Variants in STAC observed in about 807,000 individuals in gnomAD.
STAC encodes the protein SH3 and cysteine rich domain.
In STAC, 43 loss-of-function variants were observed where a neutral mutation model predicts 48.8. That is an observed-to-expected ratio of 0.88 (90% CI 0.69 to 1.14). STAC has a LOEUF of 1.14. STAC is among the 50% of genes most tolerant of loss of function. The pLI, the probability that STAC is intolerant of heterozygous loss-of-function variation, is 0.00. For synonymous variants in STAC, 193 were observed against 179.5 expected (o/e 1.07, Z -0.60); for missense variants, 497 against 504.0 (o/e 0.99, Z 0.13).
chr3:36,391,398 AGC>A (rs1699748819), intron 1 of STAC, among the ~76,000 whole-genome samples: 1 of 152,032 alleles, frequency 6.6e-6, no homozygotes, highest in Non-Finnish European at 1.5e-5. Flanking sequence ...TTCATCCACC[AGC>A]TGAAAACTCC....
intron 2 of STAC, among the ~76,000 whole-genome samples, chr3:36,458,883 G>A (rs1696924485): frequency 6.6e-6 from 1 of 152,172 alleles, no homozygotes; most frequent in South Asian, 2.1e-4. Flanking sequence ...TCACCCGGAA[G>A]TCTTGTTAGA....
chr3:36,411,443 C>A (rs1209554007), intron 1 of STAC, among the ~76,000 whole-genome samples: 1 of 152,188 alleles, frequency 6.6e-6, no homozygotes, highest in African/African-American at 2.4e-5. Context: ...CATTGAAGCT[C>A]AACTCCTTGA....
rs1698890191 is a variant in STAC, at chr3:36,524,731, G to A, written c.921-3965G>A. Among the ~76,000 whole-genome samples the A allele has an allele frequency of 2.0e-5, 3 of 152,244 alleles. No individual in the cohort carries two copies. In the South Asian group the frequency reaches 6.2e-4, roughly 32 times the overall value. ...AAAAGGATTCTAAATCAGAAGGCAG[G>A]CTCTGTGGGAAAGAGTGCTGAGATT... is the stretch of plus-strand genomic sequence containing the variant. On this transcript the variant is annotated intron_variant, in intron 8 of 10. Coordinates refer to ENST00000273183, the MANE Select transcript of STAC (RefSeq NM_003149.3).
At chr3:36,418,903 C>G (rs577336114) in intron 1 of STAC, among the ~76,000 whole-genome samples, 1 of 151,922 alleles carries the variant, frequency 6.6e-6, no homozygotes, top group East Asian at 1.9e-4. Context: ...CAAAATTAGC[C>G]AGACATGGTG....
intron 10 of STAC, among the ~76,000 whole-genome samples, chr3:36,543,414 G>A (rs570898199): frequency 1.3e-5 from 2 of 152,272 alleles, no homozygotes; most frequent in African/African-American, 2.4e-5. Flanking sequence ...CTTCTCATCC[G>A]TAAAAAGGTC....
At chr3:36,516,422 C>T (rs114942814) in intron 8 of STAC, among the ~76,000 whole-genome samples, 1,749 of 152,198 alleles carry the variant, frequency 0.011, 29 homozygotes, top group African/African-American at 0.04. Flanking sequence ...CATCATTAGT[C>T]TCCAAATCCC....
At chr3:36,465,807 C>A (rs1167127738) in intron 2 of STAC, among the ~76,000 whole-genome samples, 1 of 152,080 alleles carries the variant, frequency 6.6e-6, no homozygotes, top group Non-Finnish European at 1.5e-5. Context: ...AGGCCCATCT[C>A]TCTTTTACAA....
intron 8 of STAC, among the ~76,000 whole-genome samples, chr3:36,507,053 G>A (rs559392434): frequency 1.3e-5 from 2 of 152,096 alleles, no homozygotes; most frequent in Non-Finnish European, 2.9e-5. Context: ...ATGATATTGG[G>A]TGTGGGTTTG....
At position 36,443,481 on chromosome 3, in the gene STAC, G is replaced by A. The variant is rs1458655624; in HGVS notation, c.229G>A (p.Ala77Thr). Residue 77 changes from alanine (A) to threonine (T), a missense_variant, in exon 2 of 11, where the codon GCT (alanine) becomes ACT (threonine). Coordinates refer to ENST00000273183, the MANE Select transcript of STAC (RefSeq NM_003149.3). The surrounding 1 kb of genome is among the most constrained non-coding windows in gnomAD (Gnocchi z 4.2). Reference protein sequence around the residue: ...EDMKLQAHMVAEISPSSSPLP... With the variant: ...EDMKLQAHMVTEISPSSSPLP... Reference sequence around the variant, plus strand: ...CATGAAACTGCAAGCACACATGGTGGCTGAGATCAGCCCCAGCTCCAGCCC... The same window carrying A: ...CATGAAACTGCAAGCACACATGGTGACTGAGATCAGCCCCAGCTCCAGCCC... 34 of 1,614,096 alleles carry A rather than the reference G, an allele frequency of 2.1e-5. 1 individual carries two copies. The highest frequency in any genetic ancestry group is 2.9e-5 in the Non-Finnish European group (34 of 1,180,042).
intron 8 of STAC, among the ~76,000 whole-genome samples, chr3:36,511,328 G>C (rs1379366742): frequency 6.6e-6 from 1 of 152,166 alleles, no homozygotes; most frequent in African/African-American, 2.4e-5. Context: ...ACACATTGGT[G>C]CCTATAATCA....
intron 1 of STAC, among the ~76,000 whole-genome samples, chr3:36,419,047 CAAAAA>C (rs1193056059): frequency 4.4e-5 from 4 of 90,554 alleles, no homozygotes; most frequent in African/African-American, 9.1e-5. Context: ...AACTCCGACT[CAAAAA>C]AAAAAAAAAA....
rs1384035756 is a variant in STAC at position 36,504,606 on chromosome 3, T to C, written c.831+149T>C. ...TAATATAGCACAACGTACCATAGCATGGAATAAACAGAACTAGCACAGTGC... is the reference window on the plus strand; with the variant it reads ...TAATATAGCACAACGTACCATAGCACGGAATAAACAGAACTAGCACAGTGC... On this transcript the variant is annotated intron_variant, in intron 7 of 10. Transcript: ENST00000273183. 6.1e-6 allele frequency: 4 copies of C among 654,302 alleles called. No homozygotes were observed. In the East Asian group the frequency reaches 1.1e-4, roughly 18 times the overall value. 40.5% of individuals were successfully genotyped at this position (654,302 alleles called of 1,614,324 possible).
At chr3:36,380,900 G>GGCCCCGCCGAGACTTGAACGTCCGGTAA in intron 1 of STAC, 146 bp downstream of exon 1, 6 of 590,832 alleles carry the variant, frequency 1.0e-5, no homozygotes, top group East Asian at 3.2e-5. Context: ...ACGTCCGGTA[G>GGCCCCGCCGAGACTTGAACGTCCGGTAA]GACCCGCTGC....
At chr3:36,423,649 T>C (rs189545374) in intron 1 of STAC, among the ~76,000 whole-genome samples, 18 of 152,238 alleles carry the variant, frequency 1.2e-4, no homozygotes, top group Admixed American at 2.6e-4. Context: ...AGACCTGATG[T>C]GAGAAGACTT....
intron 1 of STAC, among the ~76,000 whole-genome samples, chr3:36,417,158 T>C (rs1439366052): frequency 2.0e-5 from 3 of 151,874 alleles, no homozygotes; most frequent in Non-Finnish European, 4.4e-5. Flanking sequence ...TGGACAAGAG[T>C]GTAGGAGGCA....
At chr3:36,505,548 A>G (rs553451231) in intron 7 of STAC, among the ~76,000 whole-genome samples, 198 bp from the exon 8 acceptor site, 2 of 152,314 alleles carry the variant, frequency 1.3e-5, no homozygotes, top group East Asian at 1.9e-4. Context: ...CAAATTGTTT[A>G]TAGTGAAACC....
chr3:36,530,371 T>A (rs1699033190), intron 10 of STAC, among the ~76,000 whole-genome samples: 1 of 152,096 alleles, frequency 6.6e-6, no homozygotes, highest in African/African-American at 2.4e-5. Flanking sequence ...CGAAAACACA[T>A]CTTGAATGCC....
At chr3:36,433,930 G>A (rs903739394) in intron 1 of STAC, among the ~76,000 whole-genome samples, 3 of 152,254 alleles carry the variant, frequency 2.0e-5, no homozygotes, top group Middle Eastern at 3.4e-3. Context: ...TTTCAACTTC[G>A]AAGTTACCAT....
In STAC at chr3:36,547,995, G is replaced by C. The variant is rs977354244; in HGVS notation, c.*1706G>C. The C allele has an allele frequency of 6.6e-6, 1 of 151,366 alleles. No individual in the cohort carries two copies. 9.4% of individuals were successfully genotyped at this position (151,366 alleles called of 1,614,324 possible). A position where few individuals can be genotyped will look rare whatever the true frequency, so the allele number is the denominator to read the frequency against. Reference sequence around the variant, plus strand: ...ATAAAAACAATACAGTGGCTGGAAAGGAGCATCAGAAACATGTGTCCTGAT... The same window carrying C: ...ATAAAAACAATACAGTGGCTGGAAACGAGCATCAGAAACATGTGTCCTGAT... On this transcript the variant is annotated 3_prime_UTR_variant, in exon 11 of 11. Coordinates refer to ENST00000273183, the MANE Select transcript of STAC (RefSeq NM_003149.3).
Sources: gnomAD v4.1 joint callset for allele counts (sites outside exome capture counted in the v4.1 genomes callset) on GRCh38, gnomAD v4.1.1 for gene constraint, Gnocchi (gnomAD v3.1) non-coding constraint, MANE v1.5 for transcripts, NCBI Gene and HGNC (gene_info 2026-07-23, HGNC 2026-07-21) for gene names.